SLC49A4: variants seen among roughly 807,000 people sequenced by gnomAD.
The protein encoded by SLC49A4 is solute carrier family 49 member 4.
In SLC49A4, 36 loss-of-function variants were observed where a neutral mutation model predicts 50.6. That is an observed-to-expected ratio of 0.71 (90% CI 0.55 to 0.94). The LOEUF is 0.94. Ranked by LOEUF, SLC49A4 falls within the 40% of genes least tolerant of loss-of-function variation. The pLI, the probability that SLC49A4 is intolerant of heterozygous loss-of-function variation, is 0.00. For synonymous variants in SLC49A4, 248 were observed against 241.2 expected (o/e 1.03, Z -0.26); for missense variants, 503 against 605.7 (o/e 0.83, Z 1.78).
intron 1 of SLC49A4, among the ~76,000 whole-genome samples, chr3:122,803,350 C>G (rs941402098): frequency 2.6e-5 from 4 of 152,078 alleles, no homozygotes; most frequent in African/African-American, 7.2e-5. Flanking sequence ...GTGATTATGC[C>G]TGAGCACTCC....
intron 2 of SLC49A4, among the ~76,000 whole-genome samples, chr3:122,825,266 T>C (rs1187423467): frequency 6.6e-6 from 1 of 152,220 alleles, no homozygotes; most frequent in East Asian, 1.9e-4. Context: ...TAAAACCACT[T>C]AATGACGTTA....
At chr3:122,817,690 C>A (rs1936390951) in intron 2 of SLC49A4, among the ~76,000 whole-genome samples, 1 of 151,580 alleles carries the variant, frequency 6.6e-6, no homozygotes, top group Admixed American at 6.6e-5. Context: ...AAGCAATCCT[C>A]CTACCTGAGC....
At chr3:122,844,734 A>G (rs1432479743) in intron 4 of SLC49A4, among the ~76,000 whole-genome samples, 1 of 151,954 alleles carries the variant, frequency 6.6e-6, no homozygotes, top group Non-Finnish European at 1.5e-5. Context: ...GTGAGCAGAG[A>G]TCACACCATT....
intron 1 of SLC49A4, 28 bp downstream of exon 1, chr3:122,795,563 G>C: frequency 6.4e-7 from 1 of 1,568,482 alleles, no homozygotes; most frequent in Non-Finnish European, 8.6e-7. Context: ...GCCAGCCCGC[G>C]CTGTCTCTCC....
At chr3:122,873,746 T>TTCC (rs1937225340) in intron 8 of SLC49A4, among the ~76,000 whole-genome samples, 1 of 152,256 alleles carries the variant, frequency 6.6e-6, no homozygotes, top group African/African-American at 2.4e-5. Flanking sequence ...AAACACGTGC[T>TTCC]TCCATTAGGG....
chr3:122,811,453 A>G (rs1446514632), intron 2 of SLC49A4, among the ~76,000 whole-genome samples: 4 of 152,242 alleles, frequency 2.6e-5, no homozygotes, highest in Non-Finnish European at 5.9e-5. Context: ...GTGGGGAAAA[A>G]CAGGCACTGC....
chr3:122,819,326 A>G (rs994646053), intron 2 of SLC49A4, among the ~76,000 whole-genome samples: 3 of 152,140 alleles, frequency 2.0e-5, no homozygotes, highest in Admixed American at 2.0e-4. Context: ...GATTTTCTAA[A>G]GATTATATGG....
At chr3:122,834,152 A>G (rs1358012482) in intron 4 of SLC49A4, among the ~76,000 whole-genome samples, 1 of 152,104 alleles carries the variant, frequency 6.6e-6, no homozygotes, top group Non-Finnish European at 1.5e-5. Context: ...GTTTTTATTG[A>G]TTCTTCAACA....
At chr3:122,855,001 G>C (rs1936966984) in intron 5 of SLC49A4, among the ~76,000 whole-genome samples, 1 of 152,052 alleles carries the variant, frequency 6.6e-6, no homozygotes, top group African/African-American at 2.4e-5. Context: ...GCTGAGGCAG[G>C]AGAATGGTGT....
At chr3:122,795,925 A>G (rs1032255258) in intron 1 of SLC49A4, among the ~76,000 whole-genome samples, 1 of 152,232 alleles carries the variant, frequency 6.6e-6, no homozygotes, top group African/African-American at 2.4e-5. Context: ...GAAAGGTCGG[A>G]AAATAGATTG....
intron 8 of SLC49A4, among the ~76,000 whole-genome samples, chr3:122,872,850 T>C (rs939351706): frequency 3.1e-4 from 43 of 140,940 alleles, no homozygotes; most frequent in Admixed American, 1.6e-3. Context: ...TAACCTGGGC[T>C]GGAGCCCAGT....
Position 122,860,211 on chromosome 3 carries a change from A to G in SLC49A4, c.1138+9A>G, listed in dbSNP as rs1324829075. 6.4e-7 allele frequency: 1 copy of G among 1,572,328 alleles called. No individual in the cohort carries two copies. The highest frequency in any genetic ancestry group is 1.4e-5 in the African/African-American group (1 of 72,806). ...CCTACCTTTAACCACAGGTGAGCAT[A>G]GGCTATTTTTGAACTTTTAATAAAT... On this transcript the variant is annotated intron_variant, in intron 7 of 8. Transcript: ENST00000261038.
chr3:122,846,259 T>C (rs1936848599), intron 5 of SLC49A4, among the ~76,000 whole-genome samples: 1 of 152,208 alleles, frequency 6.6e-6, no homozygotes, highest in African/African-American at 2.4e-5. Context: ...ATAAGGGTAT[T>C]TCATTTCTTT....
chr3:122,839,155 T>TA (rs1348704813), intron 4 of SLC49A4, among the ~76,000 whole-genome samples: 1 of 152,144 alleles, frequency 6.6e-6, no homozygotes, highest in East Asian at 1.9e-4. Flanking sequence ...GGACACCCTA[T>TA]TTAATAAATA....
At chr3:122,846,808 G>A (rs1936859684) in intron 5 of SLC49A4, among the ~76,000 whole-genome samples, 2 of 152,192 alleles carry the variant, frequency 1.3e-5, no homozygotes, top group Admixed American at 1.3e-4. Context: ...TTTTTCTTGT[G>A]ACATACTAGT....
rs113021520 is a variant in SLC49A4, at chr3:122,802,773, T to C, written c.344-4084T>C. 3.9e-3 allele frequency among the ~76,000 whole-genome samples: 601 copies of C among 152,230 alleles called. 5 individuals carry two copies. The highest frequency in any genetic ancestry group is 0.012 in the African/African-American group (519 of 41,526). The stretch of plus-strand genomic sequence containing the variant: ...ATCAATGTCTGAGATGAAAAAAATA[T>C]ACTGGACAGGATTTAACAGCAGACT... On this transcript the variant is annotated intron_variant, in intron 1 of 8. Coordinates refer to ENST00000261038, the MANE Select transcript of SLC49A4 (RefSeq NM_032839.3).
At chr3:122,852,514 T>A (rs1936939055) in intron 5 of SLC49A4, among the ~76,000 whole-genome samples, 1 of 152,204 alleles carries the variant, frequency 6.6e-6, no homozygotes, top group Non-Finnish European at 1.5e-5. Context: ...TGAAAAACTG[T>A]GGAGATAATT....
chr3:122,827,080 A>G lies in SLC49A4; in HGVS notation c.703+15A>G. ...GTTATATGCAGGTAATTTGAAGTTTATTTTCTTCTTGTTATACTTTGTCTT... is the reference window on the plus strand; with the variant it reads ...GTTATATGCAGGTAATTTGAAGTTTGTTTTCTTCTTGTTATACTTTGTCTT... On this transcript the variant is annotated intron_variant, in intron 3 of 8. Transcript: ENST00000261038. 2 of 1,593,730 alleles carry G rather than the reference A, an allele frequency of 1.3e-6. No individual in the cohort carries two copies. Among genetic ancestry groups the G allele is most frequent in the South Asian group, 1.1e-5 (1 of 90,202 alleles).
At chr3:122,806,777 T>C in intron 1 of SLC49A4, 80 bp from the exon 2 acceptor site, 1 of 876,498 alleles carries the variant, frequency 1.1e-6, no homozygotes, top group Non-Finnish European at 1.9e-6. Context: ...GTCAGTATGA[T>C]TGACTAAAAA....
Sources: gnomAD v4.1 joint callset for allele counts (sites outside exome capture counted in the v4.1 genomes callset) on GRCh38, gnomAD v4.1.1 for gene constraint, MANE v1.5 for transcripts, NCBI Gene and HGNC (gene_info 2026-07-23, HGNC 2026-07-21) for gene names.